RGS7: variants seen among roughly 807,000 people sequenced by gnomAD.
RGS7 encodes regulator of G-protein signaling 7.
In RGS7, 27 loss-of-function variants were observed where a neutral mutation model predicts 81.1. The observed-to-expected ratio is 0.33, with a 90% confidence interval of 0.25 to 0.46. The LOEUF is 0.46. Ranked by LOEUF, RGS7 falls within the 20% of genes least tolerant of loss-of-function variation. The pLI is 1.00. For missense variants in RGS7, 396 were observed against 607.4 expected, an observed-to-expected ratio of 0.65 and a Z score of 3.66; for synonymous variants, 208 against 207.7, an observed-to-expected ratio of 1.00 and a Z score of -0.01.
At chr1:241,129,069 A>C (rs2066897756) in intron 2 of RGS7, among the ~76,000 whole-genome samples, 1 of 152,186 alleles carries the variant, frequency 6.6e-6, no homozygotes, top group Non-Finnish European at 1.5e-5. Context: ...AATTTCTCCA[A>C]ATTATACTCC....
intron 9 of RGS7, among the ~76,000 whole-genome samples, chr1:240,863,529 T>C (rs1662639946): frequency 6.6e-6 from 1 of 152,054 alleles, no homozygotes; most frequent in South Asian, 2.1e-4. Flanking sequence ...AATAATAACG[T>C]ATGTAGGTTG....
intron 2 of RGS7, among the ~76,000 whole-genome samples, chr1:241,111,828 A>T (rs1479548635): frequency 6.6e-6 from 1 of 152,170 alleles, no homozygotes; most frequent in Non-Finnish European, 1.5e-5. Context: ...TGTGGACTAA[A>T]AGCATCTCTG....
intron 2 of RGS7, among the ~76,000 whole-genome samples, chr1:241,198,836 G>A (rs1009231091): frequency 6.6e-6 from 1 of 151,862 alleles, no homozygotes; most frequent in Non-Finnish European, 1.5e-5. Context: ...CTGTTTTTTT[G>A]AGGTTACCAT....
At chr1:241,130,910 G>A (rs1237084961) in intron 2 of RGS7, among the ~76,000 whole-genome samples, 8 of 117,980 alleles carry the variant, frequency 6.8e-5, no homozygotes, top group African/African-American at 1.1e-4. Context: ...AAAATAATAG[G>A]ATAAAAGGCT....
intron 2 of RGS7, among the ~76,000 whole-genome samples, chr1:241,152,093 G>GA (rs1320741970): frequency 7.7e-6 from 1 of 129,794 alleles, no homozygotes; most frequent in African/African-American, 2.9e-5. Context: ...GAGTGAAAAT[G>GA]AAAAAAAGAG....
intron 3 of RGS7, among the ~76,000 whole-genome samples, chr1:241,091,831 G>A (rs2063905910): frequency 6.6e-6 from 1 of 152,020 alleles, no homozygotes; most frequent in African/African-American, 2.4e-5. Flanking sequence ...AGGCTGGAGT[G>A]AGCCATGACT....
Position 240,974,437 on chromosome 1 carries a change from T to C in RGS7, c.226+8642A>G, listed in dbSNP as rs114495912. 9.5e-3 allele frequency among the ~76,000 whole-genome samples: 1,443 copies of C among 152,320 alleles called. 22 individuals carry two copies. Among genetic ancestry groups the C allele is most frequent in the African/African-American group, 0.032 (1,349 of 41,564 alleles). Reference sequence around the variant, plus strand: ...GAATCATCAGTTACCATAAATCCGATGCCACTTCAGTGAATTCCCATCAGT... The same window carrying C: ...GAATCATCAGTTACCATAAATCCGACGCCACTTCAGTGAATTCCCATCAGT... On this transcript the variant is annotated intron_variant, in intron 4 of 18. Transcript: ENST00000440928.
chr1:241,044,587 A>G (rs1201192379), intron 3 of RGS7, among the ~76,000 whole-genome samples: 1 of 151,260 alleles, frequency 6.6e-6, no homozygotes, highest in Non-Finnish European at 1.5e-5. Context: ...ATGCTCAGCT[A>G]ATTTTAAAAT....
chr1:241,194,452 T>A (rs1362200512), intron 2 of RGS7, among the ~76,000 whole-genome samples: 2 of 152,226 alleles, frequency 1.3e-5, no homozygotes, highest in Non-Finnish European at 2.9e-5. Context: ...AGTGTAGCTC[T>A]AACTAAAAGC....
intron 2 of RGS7, among the ~76,000 whole-genome samples, chr1:241,127,316 C>T (rs903049844): frequency 6.6e-6 from 1 of 152,126 alleles, no homozygotes; most frequent in Non-Finnish European, 1.5e-5. Context: ...TGATAAAGCA[C>T]GTCTCAACAC....
At chr1:240,983,193 A>C (rs559310153) in intron 3 of RGS7, 64 bp from the exon 4 acceptor site, 1 of 874,816 alleles carries the variant, frequency 1.1e-6, no homozygotes, top group South Asian at 1.6e-5. Context: ...TATTAACTTT[A>C]AGAATTCTCC....
chr1:241,067,524 A>T lies in RGS7; in HGVS notation c.175+31142T>A, dbSNP rs529571239. Among the ~76,000 whole-genome samples, 741 of 147,296 alleles carry T rather than the reference A, an allele frequency of 5.0e-3. 5 individuals are homozygous for T. Among genetic ancestry groups the T allele is most frequent in the Middle Eastern group, 0.017 (5 of 288 alleles). On this transcript the variant is annotated intron_variant, in intron 3 of 18. Coordinates refer to ENST00000440928, the MANE Select transcript of RGS7 (RefSeq NM_001364886.1). The stretch of plus-strand genomic sequence containing the variant: ...ATACAGAAACCTACTGAATAATGAG[A>T]TTTTTTTTTTTTTGAGATGGAGTCT...
At chr1:241,123,014 G>C (rs2066397205) in intron 2 of RGS7, among the ~76,000 whole-genome samples, 1 of 152,234 alleles carries the variant, frequency 6.6e-6, no homozygotes, top group Middle Eastern at 3.4e-3. Context: ...GAATAAATGA[G>C]GGAAATTTCC....
chr1:240,798,417 T>C (rs1687436496), intron 18 of RGS7, among the ~76,000 whole-genome samples: 1 of 152,132 alleles, frequency 6.6e-6, no homozygotes, highest in South Asian at 2.1e-4. Context: ...AACATGTAAA[T>C]CAACTTACAA....
intron 2 of RGS7, among the ~76,000 whole-genome samples, chr1:241,236,171 C>G (rs867041248): frequency 1.4e-5 from 2 of 147,552 alleles, no homozygotes; most frequent in Non-Finnish European, 3.0e-5. Flanking sequence ...ACGACCTCCG[C>G]CCCCCATATT....
At chr1:240,778,797 G>T (rs1226874646) in intron 18 of RGS7, among the ~76,000 whole-genome samples, 1 of 152,194 alleles carries the variant, frequency 6.6e-6, no homozygotes, top group Non-Finnish European at 1.5e-5. Flanking sequence ...CTCCCAAAGT[G>T]CTGGGATTAC....
intron 18 of RGS7, among the ~76,000 whole-genome samples, chr1:240,799,287 T>TTGTG (rs71678488): frequency 0.11 from 15,229 of 142,370 alleles, 2,730 homozygotes; most frequent in African/African-American, 0.37. Flanking sequence ...GTGTCTATGT[T>TTGTG]TGTGTGTGTG....
intron 3 of RGS7, among the ~76,000 whole-genome samples, chr1:241,078,780 G>C (rs949133630): frequency 6.6e-6 from 1 of 152,096 alleles, no homozygotes; most frequent in African/African-American, 2.4e-5. Context: ...ATAAATGCTA[G>C]TAGTTGCTGA....
At position 241,144,964 on chromosome 1, in the gene RGS7, T is replaced by TGTGTGTGTG. The variant is rs1479399427; in HGVS notation, c.79-46203_79-46202insCACACACAC. 9.0e-5 allele frequency among the ~76,000 whole-genome samples: 13 copies of TGTGTGTGTG among 144,404 alleles called. No homozygotes were observed. The highest frequency in any genetic ancestry group is 3.3e-4 in the African/African-American group (12 of 36,820). 94.7% of individuals were successfully genotyped at this position (144,404 alleles called of 152,430 possible). A position where few individuals can be genotyped will look rare whatever the true frequency, so the allele number is the denominator to read the frequency against. Reference sequence around the variant, plus strand: ...GTGTGTGTGTGTGTGTGTGTGTGTGTTCGTGTTCATTCTTCCTGTTCCTGT... The same window carrying TGTGTGTGTG: ...GTGTGTGTGTGTGTGTGTGTGTGTGTGTGTGTGTGTCGTGTTCATTCTTCCTGTTCCTGT... On this transcript the variant is annotated intron_variant, in intron 2 of 18. Transcript: ENST00000440928. The surrounding 1 kb of genome is among the most constrained non-coding windows in gnomAD (Gnocchi z 4.7).
Sources: allele counts gnomAD v4.1 joint callset (sites outside exome capture counted in the v4.1 genomes callset), GRCh38; gene constraint gnomAD v4.1.1; non-coding constraint Gnocchi (gnomAD v3.1); transcripts MANE v1.5; gene names NCBI Gene and HGNC (gene_info 2026-07-23, HGNC 2026-07-21).